PRKCB: variants seen among roughly 807,000 people sequenced by gnomAD.
PRKCB encodes the protein protein kinase C beta type.
In PRKCB, 13 loss-of-function variants were observed where a neutral mutation model predicts 81.5. The ratio of observed to expected loss-of-function variants is 0.16; its 90% CI spans 0.10 to 0.25. The LOEUF is 0.25. Among genes scored for constraint, PRKCB ranks in the 10% least tolerant of loss-of-function variants. The probability of loss-of-function intolerance (pLI) is 1.00; values close to 1 mark genes in which losing one functional copy is unlikely to be tolerated. For synonymous variants in PRKCB, 335 were observed against 321.4 expected (o/e 1.04, Z -0.45); for missense variants, 509 against 875.7 (o/e 0.58, Z 5.29).
intron 16 of PRKCB, among the ~76,000 whole-genome samples, chr16:24,197,992 G>A (rs1967903680): frequency 6.6e-6 from 1 of 152,194 alleles, no homozygotes; most frequent in African/African-American, 2.4e-5. Flanking sequence ...ACATGGTTGT[G>A]CTCTTGGTTG....
At chr16:24,166,565 G>A (rs571524088) in intron 10 of PRKCB, among the ~76,000 whole-genome samples, 5 of 152,216 alleles carry the variant, frequency 3.3e-5, no homozygotes, top group Admixed American at 1.3e-4. Context: ...AGCCATAAAG[G>A]TGAAACCATC....
intron 3 of PRKCB, among the ~76,000 whole-genome samples, chr16:24,014,458 C>G (rs142766065): frequency 6.6e-6 from 1 of 152,148 alleles, no homozygotes; most frequent in Non-Finnish European, 1.5e-5. Flanking sequence ...CACCAGAACT[C>G]GAAGGCCCCC....
intron 8 of PRKCB, among the ~76,000 whole-genome samples, chr16:24,121,814 G>T (rs1302500725): frequency 6.6e-6 from 1 of 152,222 alleles, no homozygotes; most frequent in African/African-American, 2.4e-5. Context: ...CATGTGTTGT[G>T]TGCCAGGAAT....
At chr16:24,038,884 G>A (rs186982960) in intron 5 of PRKCB, among the ~76,000 whole-genome samples, 35 of 152,290 alleles carry the variant, frequency 2.3e-4, no homozygotes, top group Admixed American at 2.0e-3. Context: ...CTGTTCTGTC[G>A]TGTTCCAGGT....
chr16:24,006,728 G>A (rs1376977098), intron 3 of PRKCB, among the ~76,000 whole-genome samples: 1 of 152,016 alleles, frequency 6.6e-6, no homozygotes, highest in African/African-American at 2.4e-5. Flanking sequence ...AGCTCAAGTT[G>A]CCTAACAAAC....
At chr16:23,959,651 G>A (rs964226108) in intron 2 of PRKCB, among the ~76,000 whole-genome samples, 2 of 152,098 alleles carry the variant, frequency 1.3e-5, no homozygotes, top group African/African-American at 2.4e-5. Context: ...GAGTCTCCTC[G>A]GTTTGGTACT....
intron 12 of PRKCB, among the ~76,000 whole-genome samples, chr16:24,177,395 A>T (rs949820459): frequency 1.3e-5 from 2 of 152,220 alleles, no homozygotes; most frequent in African/African-American, 4.8e-5. Context: ...TATGGTCTTT[A>T]AAGGGGTATT....
chr16:23,931,504 C>T (rs1254858558), intron 2 of PRKCB, among the ~76,000 whole-genome samples: 2 of 152,106 alleles, frequency 1.3e-5, no homozygotes, highest in African/African-American at 4.8e-5. Flanking sequence ...TGATGCTAGG[C>T]TGAGTGTCAT....
intron 5 of PRKCB, among the ~76,000 whole-genome samples, chr16:24,061,209 C>G (rs1293914731): frequency 6.6e-6 from 1 of 152,028 alleles, no homozygotes. Flanking sequence ...TACAGGTGTG[C>G]ATCACCACAC....
chr16:24,128,610 G>T (rs547600224), intron 9 of PRKCB, among the ~76,000 whole-genome samples: 1 of 152,196 alleles, frequency 6.6e-6, no homozygotes, highest in African/African-American at 2.4e-5. Context: ...CCAAAGCAGG[G>T]CCTGTTGGCA....
rs1376714908 is a variant in PRKCB, at chr16:24,154,806, G to C, written c.1188G>C (p.Leu396=). 6.2e-7 allele frequency: 1 copy of C among 1,614,164 alleles called. No homozygotes were observed. The highest frequency in any genetic ancestry group is 1.7e-5 in the Admixed American group (1 of 60,020). The part of the protein sequence containing the change: ...CTMVEKRVLA[L]PGKPPFLTQL... ...TGGTGGAGAAGCGGGTGTTGGCCCT[G>C]CCTGGGAAGCCGCCCTTCCTGACCC... The change falls in exon 10 of 17, where the codon CTG becomes CTC. Residue 396 remains leucine (L), a synonymous_variant. Transcript: ENST00000643927.
At chr16:24,006,784 T>A (rs938316455) in intron 3 of PRKCB, among the ~76,000 whole-genome samples, 1 of 131,530 alleles carries the variant, frequency 7.6e-6, no homozygotes, top group Non-Finnish European at 1.6e-5. Flanking sequence ...CTAAACGCTG[T>A]GGGGGTAGGA....
intron 2 of PRKCB, among the ~76,000 whole-genome samples, chr16:23,876,152 A>G (rs1245575121): frequency 6.6e-6 from 1 of 152,264 alleles, no homozygotes; most frequent in African/African-American, 2.4e-5. Context: ...GCTCTGCACA[A>G]TGCGAGGTGT....
chr16:24,141,137 T>C (rs1966895506), intron 9 of PRKCB, among the ~76,000 whole-genome samples: 1 of 152,198 alleles, frequency 6.6e-6, no homozygotes, highest in Admixed American at 6.5e-5. Flanking sequence ...TGGACTCTTG[T>C]CTATATTTTA....
At chr16:23,990,196 C>T (rs758544643) in intron 3 of PRKCB, among the ~76,000 whole-genome samples, 8 of 152,102 alleles carry the variant, frequency 5.3e-5, no homozygotes, top group African/African-American at 1.4e-4. Context: ...CGGTGGCTCA[C>T]GCCTGTAATC....
intron 10 of PRKCB, among the ~76,000 whole-genome samples, chr16:24,162,051 T>C (rs1967264767): frequency 6.6e-6 from 1 of 151,974 alleles, no homozygotes; most frequent in African/African-American, 2.4e-5. Flanking sequence ...TTAAATAGAA[T>C]TAGATTTTAT....
chr16:24,006,424 T>G (rs1428425455), intron 3 of PRKCB, among the ~76,000 whole-genome samples: 4 of 152,148 alleles, frequency 2.6e-5, no homozygotes, highest in African/African-American at 9.7e-5. Flanking sequence ...TAATATTAGC[T>G]CCCCATCCGA....
chr16:24,192,548 G>T (rs1967809910), intron 16 of PRKCB, among the ~76,000 whole-genome samples: 1 of 152,138 alleles, frequency 6.6e-6, no homozygotes, highest in Admixed American at 6.6e-5. Context: ...GTTTTTGTGG[G>T]GTTATTTATG....
intron 13 of PRKCB, among the ~76,000 whole-genome samples, chr16:24,183,033 T>G (rs1028848425): frequency 6.6e-6 from 1 of 152,034 alleles, no homozygotes; most frequent in African/African-American, 2.4e-5. Flanking sequence ...ATTTTTTTTG[T>G]ATTTTTTTAG....
Sources: gnomAD v4.1 joint callset for allele counts (sites outside exome capture counted in the v4.1 genomes callset) on GRCh38, gnomAD v4.1.1 for gene constraint, MANE v1.5 for transcripts, NCBI Gene and HGNC (gene_info 2026-07-23, HGNC 2026-07-21) for gene names.